LAMA2: variants seen among roughly 807,000 people sequenced by gnomAD.
LAMA2 encodes laminin subunit alpha-2.
In LAMA2, 269 loss-of-function variants were observed where a neutral mutation model predicts 364.8. That is an observed-to-expected ratio of 0.74 (90% CI 0.67 to 0.82). The LOEUF is 0.82. Ranked by LOEUF, LAMA2 falls within the 40% of genes least tolerant of loss-of-function variation. The pLI, the probability that LAMA2 is intolerant of heterozygous loss-of-function variation, is 0.00. For synonymous variants in LAMA2, 1,379 were observed against 1,370.6 expected (o/e 1.01, Z -0.14); for missense variants, 3,807 against 3,873.2 (o/e 0.98, Z 0.45).
At chr6:129,330,592 G>GTTTTTTTTTTTTTTTTTTTTTTTTTTT (rs1406358715) in intron 29 of LAMA2, among the ~76,000 whole-genome samples, 1 of 78,532 alleles carries the variant, frequency 1.3e-5, no homozygotes, top group African/African-American at 5.1e-5. Context: ...TTGTTGTTTG[G>GTTTTTTTTTTTTTTTTTTTTTTTTTTT]TTTTTGTTTT....
At chr6:129,200,471 T>C (rs1297891946) in intron 12 of LAMA2, among the ~76,000 whole-genome samples, 2 of 150,952 alleles carry the variant, frequency 1.3e-5, no homozygotes, top group Admixed American at 6.6e-5. Context: ...TGTACACATA[T>C]ACATGTATAT....
intron 4 of LAMA2, among the ~76,000 whole-genome samples, chr6:129,142,266 C>T (rs1450403589): frequency 1.3e-5 from 2 of 151,932 alleles, no homozygotes; most frequent in Non-Finnish European, 2.9e-5. Context: ...AAATTTATTT[C>T]CCCACAGTAC....
At chr6:129,192,475 G>GA (rs918906547) in intron 11 of LAMA2, among the ~76,000 whole-genome samples, 3 of 151,310 alleles carry the variant, frequency 2.0e-5, no homozygotes, top group Non-Finnish European at 2.9e-5. Context: ...AAACATCAAG[G>GA]AAAAAAAATA....
At chr6:129,490,857 C>G in intron 56 of LAMA2, 1 of 152,190 alleles carries the variant, frequency 6.6e-6, no homozygotes, top group East Asian at 1.9e-4. Flanking sequence ...TCTTCACCCC[C>G]TTAACAGTGA....
At chr6:129,202,335 G>A (rs932376539) in intron 12 of LAMA2, among the ~76,000 whole-genome samples, 1 of 152,068 alleles carries the variant, frequency 6.6e-6, no homozygotes, top group Admixed American at 6.5e-5. Flanking sequence ...GGAACCTAAT[G>A]CCTAATGTGA....
chr6:129,249,364 T>C (rs1473750169), intron 12 of LAMA2, among the ~76,000 whole-genome samples: 1 of 152,232 alleles, frequency 6.6e-6, no homozygotes, highest in Non-Finnish European at 1.5e-5. Flanking sequence ...ATTCCTGTCC[T>C]ATAAATGATC....
Position 129,297,673 on chromosome 6 carries a change from T to C in LAMA2, c.2857-12T>C. On this transcript the variant is annotated splice_polypyrimidine_tract_variant and intron_variant, in intron 20 of 64. Coordinates refer to ENST00000421865, the MANE Select transcript of LAMA2 (RefSeq NM_000426.4). ...ATTTAAATTTAATTTTTCTCTCCTC[T>C]TCCATTGCCAGGCTGGGACCTTTGG... 1 of 1,613,068 alleles carries C rather than the reference T, an allele frequency of 6.2e-7. No homozygotes were observed. Among genetic ancestry groups the C allele is most frequent in the Non-Finnish European group, 8.5e-7 (1 of 1,179,690 alleles).
chr6:129,442,176 T>C (rs1353837585), intron 43 of LAMA2: 1 of 1,310,314 alleles, frequency 7.6e-7, no homozygotes, highest in East Asian at 5.0e-5. Context: ...AAAATTCAAA[T>C]GCTGTTTGAG....
At chr6:129,236,611 T>C (rs1775177629) in intron 12 of LAMA2, among the ~76,000 whole-genome samples, 1 of 152,188 alleles carries the variant, frequency 6.6e-6, no homozygotes, top group South Asian at 2.1e-4. Context: ...CAAAATTAAT[T>C]TAAGAATAAA....
intron 32 of LAMA2, among the ~76,000 whole-genome samples, chr6:129,353,890 G>A (rs990595575): frequency 6.6e-6 from 1 of 152,110 alleles, no homozygotes; most frequent in Admixed American, 6.6e-5. Context: ...TTTTACTCAC[G>A]TACAGTAAGT....
chr6:129,441,974 T>G lies in LAMA2; in HGVS notation c.6268+976T>G, dbSNP rs1269948751. Among the ~76,000 whole-genome samples the G allele has an allele frequency of 2.0e-5, 3 of 151,398 alleles. No individual in the cohort carries two copies. The East Asian group carries it at 5.8e-4, about 29-fold the overall frequency. ...CTCCAGCCTGGGTGGCAGATTGAGA[T>G]GCTGTCTCAAAAAAAAAAAAGGGGG... On this transcript the variant is annotated intron_variant, in intron 43 of 64. Coordinates refer to ENST00000421865, the MANE Select transcript of LAMA2 (RefSeq NM_000426.4).
intron 1 of LAMA2, among the ~76,000 whole-genome samples, chr6:128,948,121 G>A (rs371933359): frequency 1.4e-4 from 22 of 152,154 alleles, no homozygotes; most frequent in African/African-American, 3.6e-4. Flanking sequence ...GTCATTAGCC[G>A]AAATTGACAA....
intron 50 of LAMA2, among the ~76,000 whole-genome samples, chr6:129,464,828 A>G (rs1783457011): frequency 1.3e-5 from 2 of 151,918 alleles, no homozygotes; most frequent in African/African-American, 4.8e-5. Flanking sequence ...TTTTCTGGTC[A>G]GTATTTCTTA....
intron 22 of LAMA2, among the ~76,000 whole-genome samples, chr6:129,308,681 C>A (rs908936294): frequency 6.6e-6 from 1 of 152,126 alleles, no homozygotes; most frequent in African/African-American, 2.4e-5. Context: ...ACAATTCTTG[C>A]ATTGCTATAA....
rs144901086 is a variant in LAMA2, at chr6:129,481,398, A to G, written c.7708A>G (p.Thr2570Ala). 171 of 1,613,860 alleles carry G rather than the reference A, an allele frequency of 1.1e-4. No homozygotes were observed. The highest frequency in any genetic ancestry group is 1.4e-4 in the Non-Finnish European group (167 of 1,179,898). The change falls in exon 55 of 65, where the codon ACA (threonine) becomes GCA (alanine). Residue 2570 changes from threonine (T) to alanine (A), a missense_variant. Thr to Ala is a moderately conservative substitution (Grantham distance 58). Transcript: ENST00000421865. ...CATCATTCTTTTGGGAAGTGGAGGGACACCAGCACCACCTAGGAGAAAACG... is the reference window on the plus strand; with the variant it reads ...CATCATTCTTTTGGGAAGTGGAGGGGCACCAGCACCACCTAGGAGAAAACG... ...SGIILLGSGG[T>A]PAPPRRKRRQ...
At chr6:129,205,270 T>C (rs1782551083) in intron 12 of LAMA2, among the ~76,000 whole-genome samples, 1 of 151,724 alleles carries the variant, frequency 6.6e-6, no homozygotes, top group African/African-American at 2.4e-5. Flanking sequence ...CACACGCCTG[T>C]AGTCCCAGCT....
At chr6:129,249,720 A>G (rs995175250) in intron 12 of LAMA2, among the ~76,000 whole-genome samples, 4 of 152,186 alleles carry the variant, frequency 2.6e-5, no homozygotes, top group Non-Finnish European at 5.9e-5. Flanking sequence ...ACAGAAAGTG[A>G]GTGACTTTCT....
intron 30 of LAMA2, among the ~76,000 whole-genome samples, chr6:129,342,972 T>C (rs1776352898): frequency 6.6e-6 from 1 of 152,136 alleles, no homozygotes; most frequent in Non-Finnish European, 1.5e-5. Context: ...AAATGTCATC[T>C]CCCGGAATCA....
At chr6:128,937,171 G>A (rs979116861) in intron 1 of LAMA2, among the ~76,000 whole-genome samples, 3 of 152,126 alleles carry the variant, frequency 2.0e-5, no homozygotes, top group East Asian at 1.9e-4. Flanking sequence ...CACATTTATC[G>A]ACTCATGTAT....
Sources: gnomAD v4.1 joint callset for allele counts (sites outside exome capture counted in the v4.1 genomes callset) on GRCh38, gnomAD v4.1.1 for gene constraint, MANE v1.5 for transcripts, NCBI Gene and HGNC (gene_info 2026-07-23, HGNC 2026-07-21) for gene names.